The following CERS3 variants were observed in gnomAD, a reference collection of about 807,000 sequenced individuals.
The protein encoded by CERS3 is ceramide synthase 3.
CERS3 carries 33 observed loss-of-function variants against 50.3 expected under a neutral mutation model. The observed-to-expected ratio is 0.66, with a 90% confidence interval of 0.50 to 0.88. The LOEUF (loss-of-function observed/expected upper bound fraction) is 0.88, where lower values mean the gene tolerates loss of function less well. CERS3 is among the 40% of genes least tolerant of loss of function. The probability of loss-of-function intolerance (pLI) is 0.00; values close to 1 mark genes in which losing one functional copy is unlikely to be tolerated. For synonymous variants in CERS3, 176 were observed against 155.2 expected, an observed-to-expected ratio of 1.13 and a Z score of -0.99; for missense variants, 470 against 460.3, an observed-to-expected ratio of 1.02 and a Z score of -0.19.
At chr15:100,513,117 T>C (rs984428087) in intron 2 of CERS3, among the ~76,000 whole-genome samples, 2 of 152,242 alleles carry the variant, frequency 1.3e-5, no homozygotes, top group Non-Finnish European at 2.9e-5. Flanking sequence ...CCTCATGGTC[T>C]TCCCTTCAAG....
intron 5 of CERS3, 36 bp downstream of exon 5, chr15:100,484,514 C>G: frequency 7.2e-7 from 1 of 1,389,470 alleles, no homozygotes; most frequent in Non-Finnish European, 1.0e-6. Context: ...CCAGATAGGA[C>G]GGCAGCATTC....
intron 11 of CERS3, among the ~76,000 whole-genome samples, chr15:100,439,673 C>G (rs1157211241): frequency 6.6e-6 from 1 of 152,238 alleles, no homozygotes. Flanking sequence ...CTCTCCTCCC[C>G]TTTGCAATGC....
At chr15:100,409,704 T>C (rs1198541744) in intron 11 of CERS3, among the ~76,000 whole-genome samples, 3 of 152,160 alleles carry the variant, frequency 2.0e-5, no homozygotes, top group East Asian at 1.9e-4. Flanking sequence ...GGCCTCTTAT[T>C]GTGTTGCCCT....
chr15:100,497,852 TACACACACACACAC>T (rs57343426), intron 3 of CERS3, among the ~76,000 whole-genome samples: 1,284 of 108,812 alleles, frequency 0.012, 22 homozygotes, highest in African/African-American at 0.036. Flanking sequence ...ACCTATCTCT[TACACACACACACAC>T]ACACACACAC....
chr15:100,523,700 C>CA (rs34875423), intron 1 of CERS3, among the ~76,000 whole-genome samples: 6,606 of 50,356 alleles, frequency 0.13, 392 homozygotes, highest in African/African-American at 0.25. Context: ...GACTCCATCT[C>CA]AAAAAAAAAA....
At chr15:100,537,190 C>A (rs907665175) in intron 1 of CERS3, among the ~76,000 whole-genome samples, 6 of 152,204 alleles carry the variant, frequency 3.9e-5, no homozygotes, top group African/African-American at 1.4e-4. Context: ...TAAAAAAGCA[C>A]AAGGGGGTGC....
upstream of CERS3, among the ~76,000 whole-genome samples, chr15:100,530,163 C>G (rs1353490438): frequency 1.3e-5 from 2 of 152,240 alleles, no homozygotes; most frequent in Non-Finnish European, 2.9e-5. Context: ...GAGGTAGGCT[C>G]AGTTCAGGTC....
At chr15:100,464,431 G>GC (rs1319422658) in intron 10 of CERS3, among the ~76,000 whole-genome samples, 1 of 152,116 alleles carries the variant, frequency 6.6e-6, no homozygotes, top group African/African-American at 2.4e-5. Flanking sequence ...GAAGCAACAA[G>GC]CCACCCTGCC....
intron 10 of CERS3, among the ~76,000 whole-genome samples, chr15:100,458,585 CAAAA>C (rs5814967): frequency 1.6e-5 from 2 of 127,716 alleles, no homozygotes; most frequent in Admixed American, 7.9e-5. Flanking sequence ...GACTCCATCT[CAAAA>C]AAAAAAAAAA....
intron 11 of CERS3, among the ~76,000 whole-genome samples, chr15:100,418,472 G>T (rs1269447500): frequency 1.3e-5 from 2 of 149,240 alleles, no homozygotes; most frequent in African/African-American, 5.0e-5. Flanking sequence ...ACCTGAAAGT[G>T]ATGGGGAAAA....
At chr15:100,406,516 CTGTA>C (rs2031037825) in intron 11 of CERS3, among the ~76,000 whole-genome samples, 1 of 152,206 alleles carries the variant, frequency 6.6e-6, no homozygotes, top group Admixed American at 6.5e-5. Flanking sequence ...GGGCTCATCT[CTGTA>C]TGTTCGGTGC....
intron 11 of CERS3, chr15:100,437,761 T>C (rs1439847279): frequency 1.3e-5 from 2 of 152,194 alleles, no homozygotes; most frequent in Admixed American, 1.3e-4. Context: ...ACTAATATCA[T>C]GATCCCCATT....
At chr15:100,435,569 A>G (rs901619193) in intron 11 of CERS3, among the ~76,000 whole-genome samples, 2 of 152,216 alleles carry the variant, frequency 1.3e-5, no homozygotes, top group Non-Finnish European at 1.5e-5. Context: ...ATGGGCAAAG[A>G]CTTCATGACT....
chr15:100,516,473 G>A (rs2036493447), intron 2 of CERS3, among the ~76,000 whole-genome samples: 1 of 152,194 alleles, frequency 6.6e-6, no homozygotes. Flanking sequence ...TGGGACTAAG[G>A]GAGATTAGGT....
intron 3 of CERS3, among the ~76,000 whole-genome samples, chr15:100,497,900 T>C (rs1005351458): frequency 6.9e-6 from 1 of 144,602 alleles, no homozygotes; most frequent in Non-Finnish European, 1.5e-5. Context: ...CACACACTTT[T>C]TTTTTTTTTT....
intron 11 of CERS3, among the ~76,000 whole-genome samples, chr15:100,440,603 C>T (rs949717784): frequency 2.0e-5 from 3 of 152,206 alleles, no homozygotes; most frequent in African/African-American, 4.8e-5. Context: ...CACGGACGTG[C>T]GTGAAATTTG....
chr15:100,445,879 C>A (rs545980292), intron 11 of CERS3, among the ~76,000 whole-genome samples: 1 of 152,174 alleles, frequency 6.6e-6, no homozygotes, highest in Non-Finnish European at 1.5e-5. Context: ...CTGTTCCTGC[C>A]GTAACTGATG....
intron 11 of CERS3, among the ~76,000 whole-genome samples, chr15:100,443,808 A>G (rs1282378585): frequency 1.3e-5 from 2 of 152,050 alleles, no homozygotes; most frequent in Non-Finnish European, 2.9e-5. Context: ...CTACAAAACA[A>G]CAACTCCTTT....
chr15:100,441,095 AC>A (rs1276081254), intron 11 of CERS3, among the ~76,000 whole-genome samples: 1 of 151,962 alleles, frequency 6.6e-6, no homozygotes, highest in African/African-American at 2.4e-5. Flanking sequence ...AGGGGCAGGA[AC>A]CCCGACCTCT....
Sources: allele counts gnomAD v4.1 joint callset (sites outside exome capture counted in the v4.1 genomes callset), GRCh38; gene constraint gnomAD v4.1.1; transcripts MANE v1.5; gene names NCBI Gene and HGNC (gene_info 2026-07-23, HGNC 2026-07-21).